SRPK2: variants seen among roughly 807,000 people sequenced by gnomAD.
SRPK2 encodes the protein SFRS protein kinase 2.
Under a neutral mutation model 90.8 loss-of-function variants are expected in SRPK2, and 21 were observed. That is an observed-to-expected ratio of 0.23 (90% confidence interval 0.16 to 0.33). The LOEUF (loss-of-function observed/expected upper bound fraction) is 0.33, where lower values mean the gene tolerates loss of function less well. Ranked by LOEUF, SRPK2 falls within the 10% of genes least tolerant of loss-of-function variation. SRPK2 has a pLI of 1.00. For missense variants in SRPK2, 620 were observed against 869.0 expected, an observed-to-expected ratio of 0.71 and a Z score of 3.60; for synonymous variants, 288 against 311.1, an observed-to-expected ratio of 0.93 and a Z score of 0.78.
intron 2 of SRPK2, among the ~76,000 whole-genome samples, chr7:105,214,612 C>T (rs1797230328): frequency 2.0e-5 from 3 of 152,146 alleles, no homozygotes; most frequent in Admixed American, 6.5e-5. Flanking sequence ...AGAAACAATT[C>T]TAGTCACAAT....
chr7:105,176,611 A>ATG (rs1791919046), intron 3 of SRPK2, among the ~76,000 whole-genome samples: 1 of 44,860 alleles, frequency 2.2e-5, no homozygotes, highest in Non-Finnish European at 3.9e-5. Context: ...GTGTGTGTGT[A>ATG]TACGTGTGTG....
chr7:105,303,176 A>T (rs1229973749), intron 2 of SRPK2, among the ~76,000 whole-genome samples: 1 of 152,196 alleles, frequency 6.6e-6, no homozygotes, highest in Non-Finnish European at 1.5e-5. Flanking sequence ...GACATGGATG[A>T]AGCTGGAAAC....
chr7:105,142,362 G>A lies in SRPK2; in HGVS notation c.1189C>T (p.His397Tyr). The A allele has an allele frequency of 2.5e-6, 4 of 1,614,098 alleles. No homozygotes were observed. The highest frequency in any genetic ancestry group is 3.4e-6 in the Non-Finnish European group (4 of 1,180,010). ...AGTGAGAATGGGCCATTCTCAATAT[G>A]GCCATTGGTTTTAGGTGATTCTATC... ...TWIESPKTNG[H>Y]IENGPFSLEQ... Residue 397 changes from histidine to tyrosine, a missense_variant, in exon 11 of 16, where the codon CAT becomes TAT. Coordinates refer to ENST00000393651, the MANE Select transcript of SRPK2 (RefSeq NM_182692.3).
chr7:105,146,446 G>T, intron 8 of SRPK2, 47 bp downstream of exon 8: 1 of 1,580,876 alleles, frequency 6.3e-7, no homozygotes, highest in South Asian at 1.1e-5. Flanking sequence ...AACTTTGCAA[G>T]CTCCCAATGC....
At chr7:105,287,367 A>G (rs1808300509) in intron 2 of SRPK2, among the ~76,000 whole-genome samples, 1 of 152,038 alleles carries the variant, frequency 6.6e-6, no homozygotes, top group African/African-American at 2.4e-5. Flanking sequence ...TAGAATACCC[A>G]GAATATACTA....
intron 2 of SRPK2, among the ~76,000 whole-genome samples, chr7:105,355,865 A>G (rs1001846353): frequency 4.0e-5 from 6 of 151,872 alleles, no homozygotes; most frequent in African/African-American, 9.7e-5. Context: ...CCTGGCCCAC[A>G]TGGTGAAACC....
chr7:105,394,460 C>A (rs1268349355), intron 1 of SRPK2, among the ~76,000 whole-genome samples: 2 of 152,142 alleles, frequency 1.3e-5, no homozygotes, highest in African/African-American at 4.8e-5. Context: ...CAGAGTCTTT[C>A]ACTTAGCCTA....
chr7:105,120,060 T>G lies in SRPK2; in HGVS notation c.1916-2038A>C, dbSNP rs117038279. Among the ~76,000 whole-genome samples the G allele has an allele frequency of 4.1e-3, 620 of 152,322 alleles. 21 individuals are homozygous for G. The East Asian group carries it at 0.073, about 18-fold the overall frequency. ...GAATCAAAACATCAGCTTTTGTTAG[T>G]AGGTTATTTCAATTTCCACATTTTC... On this transcript the variant is annotated intron_variant, in intron 15 of 15. Transcript: ENST00000393651.
intron 2 of SRPK2, among the ~76,000 whole-genome samples, chr7:105,272,780 CG>C: frequency 6.6e-6 from 1 of 152,194 alleles, no homozygotes; most frequent in African/African-American, 2.4e-5. Flanking sequence ...GGCTTGAATG[CG>C]ATGTCTAAAA....
intron 5 of SRPK2, among the ~76,000 whole-genome samples, 194 bp from the exon 6 acceptor site, chr7:105,167,658 T>C (rs1790253972): frequency 6.6e-6 from 1 of 152,178 alleles, no homozygotes; most frequent in Admixed American, 6.5e-5. Context: ...TCGCCCAGTC[T>C]GGAGTGCAGT....
intron 1 of SRPK2, among the ~76,000 whole-genome samples, chr7:105,398,535 C>T (rs1322176418): frequency 6.6e-6 from 1 of 152,102 alleles, no homozygotes; most frequent in Non-Finnish European, 1.5e-5. Context: ...AGGCATATGC[C>T]ACCACGCCTA....
Position 105,141,404 on chromosome 7 carries a change from C to A in SRPK2, c.1543+604G>T, listed in dbSNP as rs145812668. ...ACTTACTAGAGTCACTTGGCATTCACTCCCAAAATAAGGCTTTGAATAAGT... is the reference window on the plus strand; with the variant it reads ...ACTTACTAGAGTCACTTGGCATTCAATCCCAAAATAAGGCTTTGAATAAGT... On this transcript the variant is annotated intron_variant, in intron 11 of 15. Transcript: ENST00000393651. 4.3e-4 allele frequency among the ~76,000 whole-genome samples: 65 copies of A among 152,352 alleles called. No homozygotes were observed. In the East Asian group the frequency reaches 0.011, roughly 25 times the overall value.
chr7:105,207,869 G>A (rs373427400), intron 2 of SRPK2, among the ~76,000 whole-genome samples: 6 of 152,128 alleles, frequency 3.9e-5, no homozygotes, highest in African/African-American at 1.4e-4. Context: ...CCACAGAATG[G>A]GGGGAAGTAC....
At chr7:105,235,565 G>A (rs1800025760) in intron 2 of SRPK2, among the ~76,000 whole-genome samples, 1 of 152,090 alleles carries the variant, frequency 6.6e-6, no homozygotes, top group African/African-American at 2.4e-5. Flanking sequence ...TCTCGTTCAT[G>A]TCAGTTAGCT....
chr7:105,391,749 C>T (rs1822189016), upstream of SRPK2, among the ~76,000 whole-genome samples: 1 of 152,136 alleles, frequency 6.6e-6, no homozygotes, highest in African/African-American at 2.4e-5. Flanking sequence ...CATTGAAACC[C>T]TCCTACATTT....
rs1799779185 is a variant in SRPK2 at position 105,117,845 on chromosome 7, T to G, written c.2093A>C (p.Asn698Thr). The change falls in exon 16 of 16, where the codon AAT becomes ACT. Residue 698 changes from asparagine (N) to threonine (T), a missense_variant. This residue lies in a region of SRPK2 where 71 missense variants were observed against 123.1 expected (regional missense o/e 0.58). Coordinates refer to ENST00000393651, the MANE Select transcript of SRPK2 (RefSeq NM_182692.3). Reference sequence around the variant, plus strand: ...CAATATTGGTAGAATTTGCTAAGAATTCAACCAAGGATGCCGAAGGCATTC... The same window carrying G: ...CAATATTGGTAGAATTTGCTAAGAAGTCAACCAAGGATGCCGAAGGCATTC... ...AGECLRHPWL[N>T]S The G allele has an allele frequency of 6.2e-7, 1 of 1,612,382 alleles. No homozygotes were observed. Among genetic ancestry groups the G allele is most frequent in the Admixed American group, 1.7e-5 (1 of 60,010 alleles).
At position 105,346,627 on chromosome 7, in the gene SRPK2, G is replaced by A. The variant is rs926102023; in HGVS notation, c.71+42021C>T. On this transcript the variant is annotated intron_variant, in intron 2 of 15. Transcript: ENST00000393651. The stretch of plus-strand genomic sequence containing the variant: ...AAATTAGCCAGGCATGGTGGTGTGC[G>A]CCTGTAGTCCCAGCTACTCGGAAGG... Among the ~76,000 whole-genome samples the A allele has an allele frequency of 4.0e-4, 61 of 151,952 alleles. 1 individual carries two copies. Among genetic ancestry groups the A allele is most frequent in the African/African-American group, 1.4e-3 (58 of 41,362 alleles).
intron 9 of SRPK2, 131 bp downstream of exon 9, chr7:105,145,152 A>T: frequency 2.0e-6 from 1 of 508,752 alleles, no homozygotes. Flanking sequence ...AGTCTTACCT[A>T]TTTGAGGATA....
At chr7:105,297,100 G>A (rs1294971722) in intron 2 of SRPK2, among the ~76,000 whole-genome samples, 2 of 152,132 alleles carry the variant, frequency 1.3e-5, no homozygotes. Flanking sequence ...CAATACTCTA[G>A]GGAATTGTCA....
Sources: allele counts gnomAD v4.1 joint callset (sites outside exome capture counted in the v4.1 genomes callset), GRCh38; gene constraint gnomAD v4.1.1; regional missense constraint gnomAD v4.1.1; transcripts MANE v1.5; gene names NCBI Gene and HGNC (gene_info 2026-07-23, HGNC 2026-07-21).